Variants in MALAT1 observed in about 807,000 individuals in gnomAD.
The protein encoded by MALAT1 is metastasis associated lung adenocarcinoma transcript 1.
chr11:65,506,136 C>T (rs1175023033), intron 3 of MALAT1: 1 of 402,910 alleles, frequency 2.5e-6, no homozygotes, highest in Non-Finnish European at 4.8e-6. Context: ...GGTTGGCACT[C>T]CTGGTTTCCA....
intron 3 of MALAT1, chr11:65,506,203 A>C: frequency 2.2e-6 from 1 of 444,540 alleles, no homozygotes; most frequent in South Asian, 1.7e-5. Flanking sequence ...TGTCTTCAGG[A>C]CTCTTTCTGT....
chr11:65,503,333 C>T (rs776332890), exon 3 of MALAT1: 9 of 518,548 alleles, frequency 1.7e-5, no homozygotes, highest in African/African-American at 5.8e-5. Flanking sequence ...ATTTTTCCAT[C>T]GAGCCTTTTT....
At chr11:65,500,201 G>C (rs1314182136) in exon 3 of MALAT1, 1 of 512,178 alleles carries the variant, frequency 2.0e-6, no homozygotes, top group Non-Finnish European at 3.9e-6. Context: ...AAAAACTAAG[G>C]CAGAAGGCTT....
chr11:65,503,489 T>TA (rs769434432), exon 3 of MALAT1: 1 of 518,186 alleles, frequency 1.9e-6, no homozygotes, highest in Non-Finnish European at 3.9e-6. Context: ...TAGCATTGAA[T>TA]CTCTGAAGGC....
intron 3 of MALAT1, chr11:65,504,838 C>G (rs567134873): frequency 1.9e-6 from 1 of 518,930 alleles, no homozygotes; most frequent in Admixed American, 1.9e-5. Flanking sequence ...AGCAGACACA[C>G]GTATGCGAAG....
exon 3 of MALAT1, chr11:65,503,130 CGTTAT>C (rs1854592703): frequency 2.0e-6 from 1 of 507,888 alleles, no homozygotes; most frequent in Non-Finnish European, 3.9e-6. Context: ...GGTATCTCTT[CGTTAT>C]CAGAAGAGTT....
exon 3 of MALAT1, chr11:65,500,477 T>C (rs1854520115): frequency 1.9e-6 from 1 of 518,734 alleles, no homozygotes; most frequent in Non-Finnish European, 3.8e-6. Flanking sequence ...TTGATGAAGC[T>C]AGGACTGAGG....
At chr11:65,506,050 A>G (rs367907849) in intron 3 of MALAT1, 1 of 450,304 alleles carries the variant, frequency 2.2e-6, no homozygotes. Flanking sequence ...CTGAGAAAAC[A>G]ACACGTATTG....
At chr11:65,500,181 G>A (rs780433986) in exon 3 of MALAT1, 5 of 508,150 alleles carry the variant, frequency 9.8e-6, no homozygotes, top group African/African-American at 1.9e-5. Flanking sequence ...AAGGACTGGT[G>A]TAATTTAAAA....
At chr11:65,503,113 TCAGA>T (rs1565054410) in exon 3 of MALAT1, 2 of 508,908 alleles carry the variant, frequency 3.9e-6, no homozygotes, top group African/African-American at 1.9e-5. Context: ...TTCGTTTGCC[TCAGA>T]CAGGTATCTC....
exon 4 of MALAT1, chr11:65,506,377 C>G (rs1373644395): frequency 6.9e-6 from 3 of 434,232 alleles, no homozygotes; most frequent in Non-Finnish European, 1.3e-5. Context: ...ACTGCCTTGT[C>G]TTTTTCAGGT....
chr11:65,499,067 G>C (rs776016085), exon 3 of MALAT1: 3 of 518,094 alleles, frequency 5.8e-6, no homozygotes, highest in African/African-American at 3.9e-5. Flanking sequence ...AGCCAGCGCA[G>C]GGGCTTCTGC....
chr11:65,504,545 G>A (rs1460645775), intron 3 of MALAT1: 1 of 518,944 alleles, frequency 1.9e-6, no homozygotes, highest in East Asian at 5.4e-5. Flanking sequence ...GCAGTTTTAA[G>A]CAGTCGTATT....
exon 3 of MALAT1, chr11:65,503,644 C>T (rs1157783167): frequency 2.0e-6 from 1 of 511,782 alleles, no homozygotes; most frequent in Admixed American, 2.0e-5. Flanking sequence ...TTTTAGAAAG[C>T]TGTCTCCTTA....
At chr11:65,499,052 G>C (rs1344682217) in exon 3 of MALAT1, 1 of 518,022 alleles carries the variant, frequency 1.9e-6, no homozygotes, top group Non-Finnish European at 3.9e-6. Context: ...GGTAGGCATT[G>C]AGGCAGCCAG....
exon 3 of MALAT1, chr11:65,501,235 T>TTTTTTTTTGG: frequency 2.8e-6 from 1 of 355,756 alleles, no homozygotes; most frequent in Non-Finnish European, 5.4e-6. Flanking sequence ...TTTTTTTTTG[T>TTTTTTTTTGG]GGGGGTGGGG....
At chr11:65,503,677 T>A (rs1429442600) in exon 3 of MALAT1, 1 of 515,884 alleles carries the variant, frequency 1.9e-6, no homozygotes, top group South Asian at 1.4e-5. Flanking sequence ...AGTGTTTGTC[T>A]GTAGTTCAGT....
At chr11:65,505,885 A>T (rs1293485632) in intron 3 of MALAT1, 1 of 440,146 alleles carries the variant, frequency 2.3e-6, no homozygotes, top group South Asian at 1.7e-5. Context: ...TGGAGAAGAT[A>T]GGCATTTGAG....
chr11:65,504,312 T>C, intron 3 of MALAT1: 1 of 495,258 alleles, frequency 2.0e-6, no homozygotes, highest in South Asian at 1.5e-5. Flanking sequence ...TTGTAGCTTT[T>C]TTTTTTTTTA....
Sources: allele counts gnomAD v4.1 joint callset, GRCh38; gene constraint gnomAD v4.1.1; transcripts MANE v1.5; gene names NCBI Gene and HGNC (gene_info 2026-07-23, HGNC 2026-07-21).